The following MLXIPL variants were observed in gnomAD, a reference collection of about 807,000 sequenced individuals.
MLXIPL encodes carbohydrate-responsive element-binding protein.
MLXIPL carries 49 observed loss-of-function variants against 81.5 expected under a neutral mutation model. That is an observed-to-expected ratio of 0.60 (90% confidence interval 0.48 to 0.76). The LOEUF (loss-of-function observed/expected upper bound fraction) is 0.76. MLXIPL is among the 30% of genes least tolerant of loss of function. The pLI is 0.00. For missense variants in MLXIPL, 1,053 were observed against 1,167.0 expected, an observed-to-expected ratio of 0.90 and a Z score of 1.42; for synonymous variants, 466 against 485.5, an observed-to-expected ratio of 0.96 and a Z score of 0.53.
chr7:73,607,136 C>T (rs1554598435), intron 4 of MLXIPL, 118 bp from the exon 5 acceptor site: 2 of 1,411,728 alleles, frequency 1.4e-6, no homozygotes, highest in Admixed American at 2.0e-5. Context: ...AGGAGCTCAC[C>T]CGACCCCTAG....
intron 2 of MLXIPL, among the ~76,000 whole-genome samples, chr7:73,608,420 C>A (rs1213602267): frequency 2.0e-5 from 3 of 152,032 alleles, no homozygotes; most frequent in Admixed American, 2.0e-4. Flanking sequence ...AACCCCGTCT[C>A]CACTAAAAAT....
At chr7:73,622,686 A>C (rs1391095938) in intron 1 of MLXIPL, among the ~76,000 whole-genome samples, 1 of 150,712 alleles carries the variant, frequency 6.6e-6, no homozygotes, top group Non-Finnish European at 1.5e-5. Context: ...AAGAAAACAC[A>C]GTCCTCTCTA....
rs1554593773 is a variant in MLXIPL, at chr7:73,596,282, CAG to C, written c.1939-12_1939-11del. 5 of 1,606,892 alleles carry C rather than the reference CAG, an allele frequency of 3.1e-6. No homozygotes were observed. Among genetic ancestry groups the C allele is most frequent in the Non-Finnish European group, 2.5e-6 (3 of 1,179,222 alleles). ...TACGCCGGTTCTCGGTCTCGGGGAGCAGAGAGTTGGGTGAGCCTAGGAAGGAG... is the reference window on the plus strand; with the variant it reads ...TACGCCGGTTCTCGGTCTCGGGGAGCAGAGTTGGGTGAGCCTAGGAAGGAG... On this transcript the variant is annotated splice_polypyrimidine_tract_variant and intron_variant, in intron 12 of 16. Transcript: ENST00000313375. The surrounding 1 kb of genome is among the most constrained non-coding windows in gnomAD (Gnocchi z 4.7).
At position 73,594,280 on chromosome 7, in the gene MLXIPL, G is replaced by A. The variant is rs1411466475; in HGVS notation, c.2434C>T (p.Arg812Trp). Reference sequence around the variant, plus strand: ...AGGGAGATGGCTCACGTACTTGGCCGGAGAGCGGGCAGAGAGCAGTACTGG... The same window carrying A: ...AGGGAGATGGCTCACGTACTTGGCCAGAGAGCGGGCAGAGAGCAGTACTGG... ...LDQYCSLPAL[R>W]PTVLNSLRQL... is the part of the protein sequence containing the mutation. Residue 812 changes from arginine (R) to tryptophan (W), a missense_variant, in exon 16 of 17, where the codon CGG becomes TGG. Transcript: ENST00000313375. The A allele has an allele frequency of 8.7e-6, 14 of 1,611,972 alleles. No homozygotes were observed. The highest frequency in any genetic ancestry group is 5.5e-5 in the South Asian group (5 of 91,086).
rs373456018 is a variant in MLXIPL, at chr7:73,613,589, CTG to C, written c.400+2480_400+2481del. Among the ~76,000 whole-genome samples the C allele has an allele frequency of 1.4e-3, 219 of 152,180 alleles. 1 individual carries two copies. The highest frequency in any genetic ancestry group is 3.3e-3 in the Admixed American group (50 of 15,264). Reference sequence around the variant, plus strand: ...CTTCAGCATGGGTGACAGAGCAAGACTGTTTCAAAAAAAAGAAAACCAAGAAA... The same window carrying C: ...CTTCAGCATGGGTGACAGAGCAAGACTTTCAAAAAAAAGAAAACCAAGAAA... On this transcript the variant is annotated intron_variant, in intron 2 of 16. Transcript: ENST00000313375.
At chr7:73,627,720 G>T (rs1458670462), upstream of MLXIPL, among the ~76,000 whole-genome samples, 1 of 152,148 alleles carries the variant, frequency 6.6e-6, no homozygotes, top group Non-Finnish European at 1.5e-5. Flanking sequence ...AGACTTGGGG[G>T]ATGCTTGAAG....
At position 73,596,699 on chromosome 7, in the gene MLXIPL, C is replaced by A. The variant is rs1227046572; in HGVS notation, c.1762G>T (p.Ala588Ser). Residue 588 changes from alanine (A) to serine (S), a missense_variant, in exon 11 of 17, where the codon GCC becomes TCC. Physicochemically the swap from Ala to Ser is moderately conservative, Grantham distance 99. Transcript: ENST00000313375. The surrounding 1 kb of genome is among the most constrained non-coding windows in gnomAD (Gnocchi z 4.7). ...GGGACAAGCAGGGGCCTGGAAGGGG[C>A]CAATGTGGCCGGGCCTGGAGGTGGC... ...PRPPPGPATL[A>S]PSRPLLVPKA... 1.3e-6 allele frequency: 2 copies of A among 1,588,758 alleles called. No homozygotes were observed. Among genetic ancestry groups the A allele is most frequent in the Non-Finnish European group, 8.6e-7 (1 of 1,168,042 alleles).
At chr7:73,627,064 A>G (rs868920911), upstream of MLXIPL, among the ~76,000 whole-genome samples, 35 of 152,118 alleles carry the variant, frequency 2.3e-4, no homozygotes, top group Admixed American at 5.9e-4. Context: ...GTCTCTGCCA[A>G]ATGTTCGCAT....
the MLXIPL span, among the ~76,000 whole-genome samples, chr7:73,646,093 AGAGTGAGGACT>A: frequency 6.6e-6 from 1 of 152,250 alleles, no homozygotes; most frequent in East Asian, 1.9e-4. Context: ...CCCTAACCAG[AGAGTGAGGACT>A]GCACTAATGA....
chr7:73,607,271 G>A, intron 4 of MLXIPL, 60 bp downstream of exon 4: 1 of 1,491,988 alleles, frequency 6.7e-7, no homozygotes, highest in Non-Finnish European at 9.1e-7. Context: ...TCCGAGGCGG[G>A]CGGTAGCCGG....
chr7:73,599,780 G>T, intron 7 of MLXIPL, 85 bp from the exon 8 acceptor site: 1 of 1,368,134 alleles, frequency 7.3e-7, no homozygotes, highest in Non-Finnish European at 1.0e-6. Context: ...CCTGTCCCCA[G>T]CCTTGGCGGG....
chr7:73,604,415 T>TAAA (rs1795125880), intron 7 of MLXIPL, among the ~76,000 whole-genome samples: 1 of 149,256 alleles, frequency 6.7e-6, no homozygotes, highest in Admixed American at 6.7e-5. Context: ...CTTCAAAACA[T>TAAA]AAAAAAAATT....
intron 7 of MLXIPL, among the ~76,000 whole-genome samples, chr7:73,600,468 C>G (rs1554595825): frequency 2.2e-5 from 1 of 46,362 alleles, no homozygotes; most frequent in Non-Finnish European, 3.9e-5. Context: ...CGAGAGGGGC[C>G]TAAGGGTGGG....
intron 8 of MLXIPL, among the ~76,000 whole-genome samples, chr7:73,597,917 G>A (rs1386698533): frequency 1.3e-5 from 2 of 151,946 alleles, no homozygotes; most frequent in Non-Finnish European, 2.9e-5. Context: ...TGAGAGGAGG[G>A]AGTCGAGTAC....
At position 73,595,850 on chromosome 7, in the gene MLXIPL, G is replaced by C. The variant is rs781964590; in HGVS notation, c.2178C>G (p.Ala726=). The part of the protein sequence containing the change: ...QLRDEIEELN[A]AINLCQQQLP... ...GCCTGGACCCTGCCTACTTAATGGCGGCATTGAGCTCCTCAATCTCATCCC... is the reference window on the plus strand; with the variant it reads ...GCCTGGACCCTGCCTACTTAATGGCCGCATTGAGCTCCTCAATCTCATCCC... The change falls in exon 14 of 17, where the codon GCC becomes GCG. Residue 726 remains alanine (A), a synonymous_variant. Transcript: ENST00000313375. 5.0e-6 allele frequency: 8 copies of C among 1,606,376 alleles called. No homozygotes were observed. Among genetic ancestry groups the C allele is most frequent in the Non-Finnish European group, 6.8e-6 (8 of 1,176,772 alleles).
the MLXIPL span, among the ~76,000 whole-genome samples, chr7:73,637,635 C>T: frequency 2.6e-5 from 4 of 151,198 alleles, no homozygotes; most frequent in African/African-American, 7.4e-5. Context: ...CCCATTGCCC[C>T]GTTGTATAGG....
intron 7 of MLXIPL, among the ~76,000 whole-genome samples, chr7:73,604,833 C>T (rs1015429128): frequency 9.9e-5 from 15 of 152,096 alleles, no homozygotes; most frequent in Non-Finnish European, 1.8e-4. Context: ...GGCGCGATCT[C>T]GGCTCACTGC....
At chr7:73,617,500 TG>T (rs1320515958) in intron 1 of MLXIPL, among the ~76,000 whole-genome samples, 30 of 152,064 alleles carry the variant, frequency 2.0e-4, no homozygotes, top group African/African-American at 5.8e-4. Flanking sequence ...GATGAGCAAA[TG>T]GTATTCATGG....
chr7:73,631,925 C>T, the MLXIPL span, among the ~76,000 whole-genome samples: 3 of 124,672 alleles, frequency 2.4e-5, no homozygotes, highest in Non-Finnish European at 5.2e-5. Flanking sequence ...TCCCCTCCCT[C>T]CCCTCCCCTC....
Sources: allele counts gnomAD v4.1 joint callset (sites outside exome capture counted in the v4.1 genomes callset), GRCh38; gene constraint gnomAD v4.1.1; non-coding constraint Gnocchi (gnomAD v3.1); transcripts MANE v1.5; gene names NCBI Gene and HGNC (gene_info 2026-07-23, HGNC 2026-07-21).